Variants in ADAMTSL1 observed in about 807,000 individuals in gnomAD.
ADAMTSL1 encodes the protein ADAMTS like 1.
A neutral mutation model predicts 201.8 loss-of-function variants in ADAMTSL1; 126 were observed. That is an observed-to-expected ratio of 0.62 (90% CI 0.54 to 0.72). ADAMTSL1 has a LOEUF of 0.72. ADAMTSL1 is among the 30% of genes least tolerant of loss of function. ADAMTSL1 has a pLI of 0.00. For synonymous variants in ADAMTSL1, 1,121 were observed against 903.4 expected (o/e 1.24, Z -4.32); for missense variants, 2,679 against 2,277.8 (o/e 1.18, Z -3.59).
intron 2 of ADAMTSL1, among the ~76,000 whole-genome samples, chr9:18,305,914 A>G (rs1395349558): frequency 6.6e-6 from 1 of 152,024 alleles, no homozygotes; most frequent in Non-Finnish European, 1.5e-5. Context: ...CCTGACTGAG[A>G]GACACCTCCC....
intron 2 of ADAMTSL1, among the ~76,000 whole-genome samples, chr9:18,283,141 G>A (rs892319048): frequency 5.3e-5 from 8 of 152,042 alleles, no homozygotes; most frequent in African/African-American, 1.9e-4. Context: ...AGGTGCATAA[G>A]TTTATATACT....
rs1439501172 is a variant in ADAMTSL1 at position 18,890,665 on chromosome 9, A to G, written c.4643+917A>G. On this transcript the variant is annotated intron_variant, in intron 25 of 28. Coordinates refer to ENST00000380548, the MANE Select transcript of ADAMTSL1 (RefSeq NM_001040272.6). Reference sequence around the variant, plus strand: ...GGGAAGGTTTCCACAGGAATGATTAATGTCCTTTTATACCCTTCCTGAACT... The same window carrying G: ...GGGAAGGTTTCCACAGGAATGATTAGTGTCCTTTTATACCCTTCCTGAACT... 14 of 454,348 alleles carry G rather than the reference A, an allele frequency of 3.1e-5. No homozygotes were observed. In the Admixed American group the frequency reaches 3.3e-4, roughly 11 times the overall value. 28.1% of individuals were successfully genotyped at this position (454,348 alleles called of 1,614,324 possible).
intron 15 of ADAMTSL1, among the ~76,000 whole-genome samples, chr9:18,750,874 G>T (rs184916528): frequency 9.6e-4 from 146 of 152,272 alleles, no homozygotes; most frequent in Non-Finnish European, 1.7e-3. Context: ...GCTGATTATT[G>T]GTGGGGAGGC....
intron 2 of ADAMTSL1, among the ~76,000 whole-genome samples, chr9:18,210,473 T>C (rs12235364): frequency 0.12 from 18,038 of 146,780 alleles, 1,301 homozygotes; most frequent in East Asian, 0.25. Context: ...TAATTATATA[T>C]GATATATAAA....
chr9:18,476,292 G>A (rs760242119), intron 1 of ADAMTSL1, among the ~76,000 whole-genome samples: 63 of 151,992 alleles, frequency 4.1e-4, no homozygotes, highest in South Asian at 2.1e-4. Flanking sequence ...TTTTAAACCC[G>A]TTTTTTCAGG....
At chr9:18,163,903 A>G (rs1345163583) in exon 2 of ADAMTSL1, 1 of 151,976 alleles carries the variant, frequency 6.6e-6, no homozygotes, top group Non-Finnish European at 1.5e-5. Context: ...TCCTGCGGGA[A>G]TTTACACTGA....
chr9:18,091,262 A>G (rs1472104539), intron 1 of ADAMTSL1, among the ~76,000 whole-genome samples: 1 of 152,018 alleles, frequency 6.6e-6, no homozygotes, highest in East Asian at 1.9e-4. Context: ...TTTTGATTAT[A>G]TTATATCTTA....
chr9:18,217,314 A>G (rs1347902779), intron 2 of ADAMTSL1, among the ~76,000 whole-genome samples: 3 of 152,156 alleles, frequency 2.0e-5, no homozygotes, highest in South Asian at 4.1e-4. Context: ...GAGAGGTTCC[A>G]TGATTTGCCC....
chr9:17,947,764 G>A (rs1259460576), intron 1 of ADAMTSL1, among the ~76,000 whole-genome samples: 1 of 152,134 alleles, frequency 6.6e-6, no homozygotes, highest in Admixed American at 6.6e-5. Context: ...TCCAGTTAAT[G>A]GCATTGCTTC....
At chr9:18,020,737 G>C (rs1820447664) in intron 1 of ADAMTSL1, among the ~76,000 whole-genome samples, 1 of 152,086 alleles carries the variant, frequency 6.6e-6, no homozygotes, top group East Asian at 1.9e-4. Flanking sequence ...CCTTGGAACA[G>C]GCATCAACTG....
chr9:17,997,318 C>CAAAA (rs1378626344), intron 1 of ADAMTSL1, among the ~76,000 whole-genome samples: 11 of 152,152 alleles, frequency 7.2e-5, no homozygotes, highest in African/African-American at 2.4e-4. Flanking sequence ...GTGTTGGTTA[C>CAAAA]AATTTTACAG....
At chr9:18,136,411 T>C (rs1826159560) in intron 1 of ADAMTSL1, among the ~76,000 whole-genome samples, 1 of 152,026 alleles carries the variant, frequency 6.6e-6, no homozygotes, top group Non-Finnish European at 1.5e-5. Context: ...CCTGTAGTCA[T>C]GGTATGTAGG....
intron 2 of ADAMTSL1, among the ~76,000 whole-genome samples, chr9:18,230,816 C>A (rs1382958057): frequency 6.6e-6 from 1 of 151,958 alleles, no homozygotes; most frequent in Admixed American, 6.6e-5. Flanking sequence ...TTTTAGGCAC[C>A]AGATGTTAAA....
At chr9:17,996,427 T>C (rs1440126418) in intron 1 of ADAMTSL1, among the ~76,000 whole-genome samples, 1 of 152,136 alleles carries the variant, frequency 6.6e-6, no homozygotes, top group Non-Finnish European at 1.5e-5. Flanking sequence ...TACAATGTTA[T>C]ATTCAGTTAA....
chr9:18,319,329 A>G (rs1227973074), intron 2 of ADAMTSL1, among the ~76,000 whole-genome samples: 1 of 152,222 alleles, frequency 6.6e-6, no homozygotes, highest in Non-Finnish European at 1.5e-5. Flanking sequence ...AATTATATTT[A>G]TATTTTCCAT....
intron 1 of ADAMTSL1, among the ~76,000 whole-genome samples, chr9:18,159,009 A>C (rs775438832): frequency 2.6e-4 from 39 of 152,036 alleles, no homozygotes; most frequent in Non-Finnish European, 5.3e-4. Context: ...TTATCCATTA[A>C]ACATTTGCAT....
At chr9:18,151,967 A>G (rs1826935943) in intron 1 of ADAMTSL1, among the ~76,000 whole-genome samples, 2 of 152,122 alleles carry the variant, frequency 1.3e-5, no homozygotes, top group South Asian at 2.1e-4. Flanking sequence ...TTGAGTGGAC[A>G]TGCTCTACTA....
chr9:18,776,981 C>T lies in ADAMTSL1; in HGVS notation c.2752C>T (p.Leu918Phe), dbSNP rs752396389. ...LITWEKDGQH[L>F]ISSTHVTVAP... is the part of the protein sequence containing the mutation. ...CACCTGGGAGAAGGACGGCCAGCAC[C>T]TCATCAGCTCGACGCACGTCACGGT... The change falls in exon 19 of 29, where the codon CTC (leucine) becomes TTC (phenylalanine). Residue 918 changes from leucine to phenylalanine, a missense_variant. Physicochemically the swap from Leu to Phe is conservative, Grantham distance 22 (BLOSUM62 0). Transcript: ENST00000380548. 1 of 1,599,456 alleles carries T rather than the reference C, an allele frequency of 6.3e-7. No homozygotes were observed. Among genetic ancestry groups the T allele is most frequent in the Non-Finnish European group, 8.5e-7 (1 of 1,171,270 alleles).
intron 1 of ADAMTSL1, among the ~76,000 whole-genome samples, chr9:18,065,359 G>A (rs1333773844): frequency 6.6e-6 from 1 of 152,120 alleles, no homozygotes; most frequent in Admixed American, 6.5e-5. Context: ...TTTAATAAGT[G>A]TGGATTAACT....
Sources: gnomAD v4.1 joint callset for allele counts (sites outside exome capture counted in the v4.1 genomes callset) on GRCh38, gnomAD v4.1.1 for gene constraint, MANE v1.5 for transcripts, NCBI Gene and HGNC (gene_info 2026-07-23, HGNC 2026-07-21) for gene names.